CPLANE1: variants seen among roughly 807,000 people sequenced by gnomAD.
CPLANE1 encodes the protein ciliogenesis and planar polarity effector 1.
Under a neutral mutation model 362.5 loss-of-function variants are expected in CPLANE1, and 263 were observed. The ratio of observed to expected loss-of-function variants is 0.73; its 90% CI spans 0.66 to 0.80. The LOEUF (loss-of-function observed/expected upper bound fraction) is 0.80. Ranked by LOEUF, CPLANE1 falls within the 30% of genes least tolerant of loss-of-function variation. CPLANE1 has a pLI of 0.00. For synonymous variants in CPLANE1, 1,212 were observed against 1,302.6 expected, an observed-to-expected ratio of 0.93 and a Z score of 1.50; for missense variants, 3,461 against 3,793.4, an observed-to-expected ratio of 0.91 and a Z score of 2.30.
At chr5:37,181,043 AC>A (rs1561517569) in intron 26 of CPLANE1, 38 bp from the exon 27 acceptor site, 1 of 1,531,006 alleles carries the variant, frequency 6.5e-7, no homozygotes, top group East Asian at 2.3e-5. Flanking sequence ...TATTTATTGA[AC>A]CCTTTATTTT....
chr5:37,099,871 G>A, the CPLANE1 span, among the ~76,000 whole-genome samples: 1 of 152,184 alleles, frequency 6.6e-6, no homozygotes, highest in African/African-American at 2.4e-5. Flanking sequence ...GATCAGTGAT[G>A]TTGAGCTTTT....
At chr5:37,172,771 A>C (rs965841735) in intron 32 of CPLANE1, among the ~76,000 whole-genome samples, 50 of 152,200 alleles carry the variant, frequency 3.3e-4, no homozygotes, top group Admixed American at 1.3e-4. Flanking sequence ...AGATCACCTG[A>C]GGTCAGGAGT....
chr5:37,126,585 C>G (rs533552861), intron 46 of CPLANE1, among the ~76,000 whole-genome samples: 4 of 152,218 alleles, frequency 2.6e-5, no homozygotes, highest in Admixed American at 2.6e-4. Context: ...CATCCTCTCA[C>G]AAGCATTTTC....
chr5:37,210,103 A>C (rs1792169542), intron 16 of CPLANE1: 7 of 847,852 alleles, frequency 8.3e-6, no homozygotes, highest in Non-Finnish European at 1.4e-5. Flanking sequence ...GTGTTCCAGA[A>C]TGATTTTGAG....
chr5:37,155,486 C>T (rs974429969), intron 41 of CPLANE1, among the ~76,000 whole-genome samples: 4 of 152,102 alleles, frequency 2.6e-5, no homozygotes, highest in African/African-American at 9.7e-5. Flanking sequence ...GCAATCCTCC[C>T]GCCTCAGCCT....
At chr5:37,246,870 T>C (rs934061229) in intron 2 of CPLANE1, among the ~76,000 whole-genome samples, 5 of 152,074 alleles carry the variant, frequency 3.3e-5, no homozygotes, top group African/African-American at 9.7e-5. Flanking sequence ...AGGATGCCAT[T>C]GCGTCCAGCC....
chr5:37,227,669 G>T lies in CPLANE1; in HGVS notation c.1270C>A (p.Arg424=), dbSNP rs755097302. 6.4e-7 allele frequency: 1 copy of T among 1,551,452 alleles called. No individual in the cohort carries two copies. The highest frequency in any genetic ancestry group is 1.2e-5 in the South Asian group (1 of 84,046). ...GATGGAGATAGGCTATCAAGAAATC[G>T]AAGGGTTGTGACCATATATCCATCA... ...ISDGYMVTTL[R]FLDSLSPSVH... is the part of the protein sequence containing the mutation. The change falls in exon 10 of 53, where the codon CGA becomes AGA. Residue 424 remains arginine, a synonymous_variant. Transcript: ENST00000651892.
the CPLANE1 span, among the ~76,000 whole-genome samples, chr5:37,082,596 A>G: frequency 6.6e-6 from 1 of 152,176 alleles, no homozygotes; most frequent in Non-Finnish European, 1.5e-5. Flanking sequence ...CTCCTTAATA[A>G]AAAATGAAAA....
chr5:37,078,239 CT>C, the CPLANE1 span, among the ~76,000 whole-genome samples: 327 of 152,236 alleles, frequency 2.1e-3, no homozygotes, highest in African/African-American at 7.2e-3. Context: ...GTTGTTCCCC[CT>C]ATGTGTCCAT....
chr5:37,229,211 G>A (rs1164139387), intron 9 of CPLANE1, among the ~76,000 whole-genome samples: 1 of 142,600 alleles, frequency 7.0e-6, no homozygotes, highest in Non-Finnish European at 1.5e-5. Context: ...AGTGAGACTC[G>A]GTCTCAAAAA....
At position 37,186,276 on chromosome 5, in the gene CPLANE1, C is replaced by T. The variant is rs751661955; in HGVS notation, c.4189+10G>A. On this transcript the variant is annotated intron_variant, in intron 24 of 52. Coordinates refer to ENST00000651892, the MANE Select transcript of CPLANE1 (RefSeq NM_001384732.1). Reference sequence around the variant, plus strand: ...TATCTGTTAGCTATCTGAGAAACAACAAATAATACCTTTCACAACACAGTG... The same window carrying T: ...TATCTGTTAGCTATCTGAGAAACAATAAATAATACCTTTCACAACACAGTG... 1 of 1,310,876 alleles carries T rather than the reference C, an allele frequency of 7.6e-7. No homozygotes were observed. The highest frequency in any genetic ancestry group is 1.3e-5 in the South Asian group (1 of 79,256). The allele number at this position is 1,310,876 out of a possible 1,614,324, so 81.2% of individuals were successfully genotyped here.
chr5:37,182,757 T>C lies in CPLANE1; in HGVS notation c.5421+3A>G. On this transcript the variant is annotated splice_donor_region_variant and intron_variant, in intron 26 of 52. Transcript: ENST00000651892. ...GTAAGTAATAAACAATTGATATGCT[T>C]ACCTTAATAATGGCATTTTTTGCCT... 2 of 1,566,422 alleles carry C rather than the reference T, an allele frequency of 1.3e-6. No individual in the cohort carries two copies. Among genetic ancestry groups the C allele is most frequent in the South Asian group, 1.1e-5 (1 of 87,830 alleles).
chr5:37,118,439 C>T (rs892716034), intron 50 of CPLANE1, among the ~76,000 whole-genome samples: 7 of 150,724 alleles, frequency 4.6e-5, no homozygotes, highest in Non-Finnish European at 8.8e-5. Context: ...AACCAAACCA[C>T]GAAGGGTTTC....
rs532180552 is a variant in CPLANE1, at chr5:37,147,920, G to GC, written c.8461+260dup. ...GGAATCCACAAAAACTGAGCTCCAGGCCACACTTGCCCCATCCTAGTATAA... is the reference window on the plus strand; with the variant it reads ...GGAATCCACAAAAACTGAGCTCCAGGCCCACACTTGCCCCATCCTAGTATAA... On this transcript the variant is annotated intron_variant, in intron 43 of 52. Coordinates refer to ENST00000651892, the MANE Select transcript of CPLANE1 (RefSeq NM_001384732.1). Among the ~76,000 whole-genome samples the GC allele has an allele frequency of 1.9e-3, 242 of 124,164 alleles. 1 individual carries two copies. Among genetic ancestry groups the GC allele is most frequent in the Admixed American group, 3.5e-3 (32 of 9,264 alleles). The allele number at this position is 124,164 out of a possible 152,430, so 81.5% of individuals were successfully genotyped here.
At chr5:37,092,321 T>TA in the CPLANE1 span, among the ~76,000 whole-genome samples, 1 of 152,226 alleles carries the variant, frequency 6.6e-6, no homozygotes, top group Non-Finnish European at 1.5e-5. Flanking sequence ...ACTTACTGTG[T>TA]ATCTGCCCAA....
At chr5:37,214,024 A>G (rs781407970) in intron 15 of CPLANE1, among the ~76,000 whole-genome samples, 1 of 152,192 alleles carries the variant, frequency 6.6e-6, no homozygotes, top group Non-Finnish European at 1.5e-5. Flanking sequence ...GATTTGTGAC[A>G]ATTTGAAAAA....
intron 43 of CPLANE1, among the ~76,000 whole-genome samples, chr5:37,143,456 T>TC (rs1770438954): frequency 6.6e-6 from 1 of 151,960 alleles, no homozygotes; most frequent in Non-Finnish European, 1.5e-5. Flanking sequence ...AGCAGATAGA[T>TC]TTGAAAAAGA....
rs776137645 is a variant in CPLANE1, at chr5:37,167,052, T to G, written c.7395A>C (p.Lys2465Asn). The G allele has an allele frequency of 5.0e-6, 8 of 1,605,140 alleles. No individual in the cohort carries two copies. The South Asian group carries it at 7.9e-5, about 16-fold the overall frequency. Residue 2465 changes from lysine (K) to asparagine (N), a missense_variant, in exon 35 of 53, where the codon AAA becomes AAC. Coordinates refer to ENST00000651892, the MANE Select transcript of CPLANE1 (RefSeq NM_001384732.1). The stretch of plus-strand genomic sequence containing the variant: ...AAATTTCACTTAAGCCTTGCCTTTT[T>G]TTACTGTCCTTTCCTTGTCTTACTT... ...PPEVRQGKDS[K>N]KRQRRRAEKE...
intron 15 of CPLANE1, among the ~76,000 whole-genome samples, chr5:37,217,540 G>A (rs894046053): frequency 4.6e-5 from 7 of 152,150 alleles, no homozygotes; most frequent in South Asian, 2.1e-4. Context: ...CCAGGAGGCC[G>A]AAGTTGCAGT....
Sources: allele counts gnomAD v4.1 joint callset (sites outside exome capture counted in the v4.1 genomes callset), GRCh38; gene constraint gnomAD v4.1.1; transcripts MANE v1.5; gene names NCBI Gene and HGNC (gene_info 2026-07-23, HGNC 2026-07-21).